The following SNAP25 variants were observed in gnomAD, a reference collection of about 807,000 sequenced individuals.
SNAP25 encodes the protein synaptosomal-associated protein 25.
SNAP25 carries 3 observed loss-of-function variants against 28.7 expected under a neutral mutation model. The ratio of observed to expected loss-of-function variants is 0.10; its 90% CI spans 0.05 to 0.27. The LOEUF (loss-of-function observed/expected upper bound fraction) is 0.27. Among genes scored for constraint, SNAP25 ranks in the 10% least tolerant of loss-of-function variants. The pLI, the probability that SNAP25 is intolerant of heterozygous loss-of-function variation, is 1.00. For missense variants in SNAP25, 117 were observed against 278.7 expected (o/e 0.42, Z 4.13); for synonymous variants, 61 against 88.1 (o/e 0.69, Z 1.72).
chr20:10,234,716 G>A (rs561898036), intron 1 of SNAP25, among the ~76,000 whole-genome samples: 18 of 152,178 alleles, frequency 1.2e-4, no homozygotes, highest in African/African-American at 4.1e-4. Context: ...CAGTATTTGG[G>A]GAAACACGAT....
chr20:10,223,815 G>A lies in SNAP25; in HGVS notation c.-64+4838G>A, dbSNP rs1171146533. ...ATAATTTTCTTCACAAGACTCTCAA[G>A]CACTTCACCCAATATGAAAGTCCAA... is the stretch of plus-strand genomic sequence containing the variant. On this transcript the variant is annotated intron_variant, in intron 1 of 7. Coordinates refer to ENST00000254976, the MANE Select transcript of SNAP25 (RefSeq NM_130811.4). Among the ~76,000 whole-genome samples the A allele has an allele frequency of 3.3e-5, 5 of 152,238 alleles. No homozygotes were observed. In the East Asian group the frequency reaches 9.6e-4, roughly 29 times the overall value.
chr20:10,261,888 T>C (rs1463682450), intron 1 of SNAP25, among the ~76,000 whole-genome samples: 2 of 152,198 alleles, frequency 1.3e-5, no homozygotes, highest in East Asian at 3.8e-4. Context: ...ACAGAAATTA[T>C]GTTGATCAGC....
intron 7 of SNAP25, among the ~76,000 whole-genome samples, chr20:10,305,899 G>GA (rs1258024464): frequency 6.6e-6 from 1 of 150,554 alleles, no homozygotes; most frequent in African/African-American, 2.4e-5. Context: ...CAATGATTCT[G>GA]AAAAAATATA....
In SNAP25 at chr20:10,275,551, G is replaced by C; in HGVS notation, c.60G>C (p.Gln20His). 6.3e-7 allele frequency: 1 copy of C among 1,599,750 alleles called. No individual in the cohort carries two copies. The change falls in exon 2 of 8, where the codon CAG (glutamine) becomes CAC (histidine). Residue 20 changes from glutamine (Q) to histidine (H), a missense_variant. Physicochemically the swap from Gln to His is conservative, Grantham distance 24 (BLOSUM62 0). Transcript: ENST00000254976. ...ELEEMQRRAD[Q>H]LADESLESTR... is the part of the protein sequence containing the mutation. ...AGGAGATGCAGCGAAGGGCTGACCAGTTGGCTGATGAGGTAAGGAGTGGAG... is the reference window on the plus strand; with the variant it reads ...AGGAGATGCAGCGAAGGGCTGACCACTTGGCTGATGAGGTAAGGAGTGGAG...
At chr20:10,302,796 T>A (rs956996276) in intron 7 of SNAP25, among the ~76,000 whole-genome samples, 33 of 150,960 alleles carry the variant, frequency 2.2e-4, no homozygotes, top group African/African-American at 4.4e-4. Flanking sequence ...TTTTTTTTTT[T>A]AAAAGAAGCT....
Position 10,284,768 on chromosome 20 carries a change from A to G in SNAP25, c.159A>G (p.Gln53=), listed in dbSNP as rs2063842941. 1.9e-6 allele frequency: 3 copies of G among 1,612,166 alleles called. No homozygotes were observed. Among genetic ancestry groups the G allele is most frequent in the East Asian group, 4.5e-5 (2 of 44,866 alleles). The stretch of plus-strand genomic sequence containing the variant: ...GGACTTTGGTTATGTTGGATGAACA[A>G]GGAGGTAAGTTCAGATTTCTTCAGT... ...GIRTLVMLDE[Q]GEQLERIEEG... Residue 53 remains glutamine, a synonymous_variant, in exon 4 of 8, where the codon CAA becomes CAG. Coordinates refer to ENST00000254976, the MANE Select transcript of SNAP25 (RefSeq NM_130811.4).
chr20:10,273,458 G>T (rs1297407088), intron 1 of SNAP25, among the ~76,000 whole-genome samples: 5 of 152,184 alleles, frequency 3.3e-5, no homozygotes, highest in African/African-American at 1.2e-4. Flanking sequence ...GCTCACGTAA[G>T]AGTTCAGGTG....
At chr20:10,290,141 A>C (rs2063966301) in intron 4 of SNAP25, among the ~76,000 whole-genome samples, 1 of 152,196 alleles carries the variant, frequency 6.6e-6, no homozygotes, top group African/African-American at 2.4e-5. Flanking sequence ...AGATGCTTAT[A>C]AGCATTTCCT....
At chr20:10,298,577 T>C (rs2064163941) in intron 6 of SNAP25, among the ~76,000 whole-genome samples, 1 of 152,226 alleles carries the variant, frequency 6.6e-6, no homozygotes, top group African/African-American at 2.4e-5. Context: ...AATACTCTTT[T>C]GTCACAGTTT....
intron 1 of SNAP25, among the ~76,000 whole-genome samples, chr20:10,241,184 TG>T (rs2063024919): frequency 7.6e-6 from 1 of 132,410 alleles, no homozygotes; most frequent in African/African-American, 2.8e-5. Context: ...GGAATCAGTA[TG>T]GGAGGGCAGG....
At chr20:10,297,163 C>G (rs2064131318) in intron 6 of SNAP25, 113 bp downstream of exon 6, 2 of 1,288,624 alleles carry the variant, frequency 1.6e-6, no homozygotes, top group African/African-American at 1.5e-5. Flanking sequence ...AATCTACATA[C>G]CTGCTAAGTG....
intron 1 of SNAP25, among the ~76,000 whole-genome samples, chr20:10,233,657 C>T (rs1239893306): frequency 6.6e-6 from 1 of 152,184 alleles, no homozygotes; most frequent in East Asian, 1.9e-4. Flanking sequence ...GCTTCTCTCT[C>T]AAGGTGGAAG....
At chr20:10,269,779 T>C (rs2063560944) in intron 1 of SNAP25, among the ~76,000 whole-genome samples, 1 of 152,208 alleles carries the variant, frequency 6.6e-6, no homozygotes, top group Non-Finnish European at 1.5e-5. Flanking sequence ...AAAATTTGAA[T>C]TTCATATAAT....
intron 1 of SNAP25, among the ~76,000 whole-genome samples, chr20:10,248,797 C>T (rs554227428): frequency 3.9e-5 from 6 of 152,306 alleles, no homozygotes; most frequent in African/African-American, 1.4e-4. Flanking sequence ...CTAGAATCCC[C>T]TGAAAGGCTT....
At chr20:10,274,357 C>G (rs953316620) in intron 1 of SNAP25, among the ~76,000 whole-genome samples, 3 of 152,178 alleles carry the variant, frequency 2.0e-5, no homozygotes, top group African/African-American at 7.2e-5. Flanking sequence ...CTGCCTTTGG[C>G]TTCCACATGC....
At chr20:10,294,854 C>G (rs2064076057) in intron 5 of SNAP25, among the ~76,000 whole-genome samples, 1 of 151,656 alleles carries the variant, frequency 6.6e-6, no homozygotes, top group Non-Finnish European at 1.5e-5. Context: ...CTGTATATTC[C>G]TTTCAGTGGC....
intron 1 of SNAP25, among the ~76,000 whole-genome samples, chr20:10,230,410 G>T (rs1458622561): frequency 6.6e-6 from 1 of 152,142 alleles, no homozygotes; most frequent in Non-Finnish European, 1.5e-5. Flanking sequence ...GAGAGAACTT[G>T]AGTTTGAATT....
chr20:10,306,215 C>T lies in SNAP25; in HGVS notation c.*18C>T, dbSNP rs777926290. ...GTGGTTAAGTGTGCCCACCCGTGTT[C>T]TCCTCCAAATGCTGTCGGGCAAGAT... On this transcript the variant is annotated 3_prime_UTR_variant, in exon 8 of 8. Coordinates refer to ENST00000254976, the MANE Select transcript of SNAP25 (RefSeq NM_130811.4). 1.2e-6 allele frequency: 2 copies of T among 1,612,676 alleles called. No homozygotes were observed. Among genetic ancestry groups the T allele is most frequent in the East Asian group, 4.5e-5 (2 of 44,852 alleles).
At chr20:10,287,808 AC>A (rs2063913083) in intron 4 of SNAP25, among the ~76,000 whole-genome samples, 1 of 151,774 alleles carries the variant, frequency 6.6e-6, no homozygotes, top group East Asian at 1.9e-4. Context: ...GCACATATAC[AC>A]CATGGAATAC....
Sources: allele counts gnomAD v4.1 joint callset (sites outside exome capture counted in the v4.1 genomes callset), GRCh38; gene constraint gnomAD v4.1.1; transcripts MANE v1.5; gene names NCBI Gene and HGNC (gene_info 2026-07-23, HGNC 2026-07-21).